Variants in MAMLD1 observed in about 807,000 individuals in gnomAD.
The protein encoded by MAMLD1 is mastermind-like domain-containing protein 1.
In MAMLD1, 14 loss-of-function variants were observed where a neutral mutation model predicts 45.0. The observed-to-expected ratio is 0.31, with a 90% CI of 0.21 to 0.49. The LOEUF (loss-of-function observed/expected upper bound fraction) is 0.49. Ranked by LOEUF, MAMLD1 falls within the 20% of genes least tolerant of loss-of-function variation. The probability of loss-of-function intolerance (pLI) is 0.99; values close to 1 mark genes in which losing one functional copy is unlikely to be tolerated. For missense variants in MAMLD1, 543 were observed against 603.6 expected (o/e 0.90, Z 1.05); for synonymous variants, 254 against 247.8 (o/e 1.02, Z -0.24).
At chrX:150,368,149 T>G (rs2031657110) in intron 1 of MAMLD1, among the ~76,000 whole-genome samples, 1 of 112,119 alleles carries the variant, frequency 8.9e-6, no homozygotes, top group Non-Finnish European at 1.9e-5. Flanking sequence ...TCTTCCACAA[T>G]GGTTGAACTA....
In MAMLD1 at chrX:150,371,632, T is replaced by C. The variant is rs191500048; in HGVS notation, c.-64+8102T>C. ...AACACATTGAGGAATTCCAAGTTCTTGGTCCAATTGTCCCAGCTCCACCCT... is the reference window on the plus strand; with the variant it reads ...AACACATTGAGGAATTCCAAGTTCTCGGTCCAATTGTCCCAGCTCCACCCT... On this transcript the variant is annotated intron_variant, in intron 1 of 7. Transcript: ENST00000370401. Among the ~76,000 whole-genome samples, 271 of 112,131 alleles carry C rather than the reference T, an allele frequency of 2.4e-3. 2 individuals carry two copies. Among genetic ancestry groups the C allele is most frequent in the African/African-American group, 8.4e-3 (260 of 30,826 alleles).
chrX:150,473,107 C>A (rs914366195), intron 4 of MAMLD1, among the ~76,000 whole-genome samples: 3 of 112,641 alleles, frequency 2.7e-5, no homozygotes, highest in African/African-American at 6.5e-5. Flanking sequence ...TCAGGCCCTG[C>A]CTTGCACTTT....
intron 1 of MAMLD1, among the ~76,000 whole-genome samples, chrX:150,369,587 A>T (rs1481183276): frequency 1.8e-5 from 2 of 112,176 alleles, no homozygotes; most frequent in African/African-American, 6.5e-5. Context: ...AATCAACCCA[A>T]AGTTTCTCTT....
At position 150,400,034 on chromosome X, in the gene MAMLD1, C is replaced by T. The variant is rs143981690; in HGVS notation, c.-64+36504C>T. The stretch of plus-strand genomic sequence containing the variant: ...CGCTCATTAGAATAAAAAGTTGTCA[C>T]ATGCTGTTGTCAGAGAAACAAGACG... On this transcript the variant is annotated intron_variant, in intron 1 of 7. Transcript: ENST00000370401. Among the ~76,000 whole-genome samples, 563 of 111,720 alleles carry T rather than the reference C, an allele frequency of 5.0e-3. 2 individuals are homozygous for T. The highest frequency in any genetic ancestry group is 0.018 in the African/African-American group (544 of 30,749).
intron 6 of MAMLD1, chrX:150,504,808 C>T (rs941398936): frequency 3.3e-5 from 25 of 752,221 alleles, no homozygotes; most frequent in African/African-American, 4.6e-5. Context: ...CTCTAAGAAC[C>T]TTGGAAATTG....
At chrX:150,473,612 C>T (rs782182047) in intron 4 of MAMLD1, 68 bp from the exon 5 acceptor site, 20 of 1,125,994 alleles carry the variant, frequency 1.8e-5, no homozygotes, top group East Asian at 6.0e-5. Context: ...ACATAGGACA[C>T]GGCAGGCCAC....
chrX:150,472,021 C>T (rs1557406596), intron 4 of MAMLD1, among the ~76,000 whole-genome samples: 1 of 112,096 alleles, frequency 8.9e-6, no homozygotes, highest in African/African-American at 3.2e-5. Context: ...AAGGTAGTCA[C>T]TCTCATCATC....
At chrX:150,400,344 AAGG>A (rs1557402382) in intron 1 of MAMLD1, among the ~76,000 whole-genome samples, 35 of 112,415 alleles carry the variant, frequency 3.1e-4, no homozygotes, top group Non-Finnish European at 5.6e-5. Context: ...ATTGTGGTTT[AAGG>A]AGATTTTGGG....
At chrX:150,366,354 A>G (rs1474121391) in intron 1 of MAMLD1, among the ~76,000 whole-genome samples, 3 of 112,085 alleles carry the variant, frequency 2.7e-5, no homozygotes, top group Non-Finnish European at 5.6e-5. Flanking sequence ...GCATACACAC[A>G]TCCCAAATGC....
intron 2 of MAMLD1, among the ~76,000 whole-genome samples, chrX:150,453,424 A>T (rs1347260293): frequency 9.0e-6 from 1 of 111,679 alleles, no homozygotes; most frequent in Non-Finnish European, 1.9e-5. Flanking sequence ...TACCCTAACA[A>T]ATGGTACCCA....
chrX:150,478,409 C>T (rs1246014143), intron 5 of MAMLD1, among the ~76,000 whole-genome samples: 1 of 112,256 alleles, frequency 8.9e-6, no homozygotes, highest in Non-Finnish European at 1.9e-5. Flanking sequence ...CAAGGAAGGG[C>T]CTGTCACCTT....
intron 1 of MAMLD1, among the ~76,000 whole-genome samples, chrX:150,410,071 A>T (rs2034089114): frequency 9.0e-6 from 1 of 111,485 alleles, no homozygotes; most frequent in African/African-American, 3.3e-5. Flanking sequence ...CCCTGATAGG[A>T]AAGGAACTCC....
intron 5 of MAMLD1, among the ~76,000 whole-genome samples, chrX:150,502,413 C>T (rs2037584989): frequency 8.9e-6 from 1 of 112,480 alleles, no homozygotes; most frequent in Admixed American, 9.4e-5. Context: ...GTCCTTTGGA[C>T]ACCACTGTTG....
At chrX:150,445,922 T>C (rs186883966) in intron 2 of MAMLD1, among the ~76,000 whole-genome samples, 1 of 111,672 alleles carries the variant, frequency 9.0e-6, no homozygotes, top group Non-Finnish European at 1.9e-5. Flanking sequence ...AGTTTACTTT[T>C]TCTCTTAATA....
intron 3 of MAMLD1, among the ~76,000 whole-genome samples, chrX:150,466,855 C>A (rs1238618852): frequency 1.8e-5 from 2 of 111,805 alleles, no homozygotes; most frequent in African/African-American, 6.5e-5. Context: ...GCACCTTACT[C>A]CCAGCAGGTT....
In MAMLD1 at chrX:150,470,672, G is replaced by A; in HGVS notation, c.1099G>A (p.Val367Met). Reference sequence around the variant, plus strand: ...CCCATTCAGCCCCCAGAGCCTCATGGTGTCCTGCATGTCGTCCAATACCTT... The same window carrying A: ...CCCATTCAGCCCCCAGAGCCTCATGATGTCCTGCATGTCGTCCAATACCTT... ...PPPFSPQSLMVSCMSSNTLSG... is the reference protein window; with the variant it reads ...PPPFSPQSLMMSCMSSNTLSG... Residue 367 changes from valine (V) to methionine (M), a missense_variant, in exon 4 of 8, where the codon GTG (valine) becomes ATG (methionine). Physicochemically the swap from Val to Met is conservative, Grantham distance 21 (BLOSUM62 1). Transcript: ENST00000370401. 1 of 1,211,753 alleles carries A rather than the reference G, an allele frequency of 8.3e-7. No homozygotes were observed. The highest frequency in any genetic ancestry group is 1.1e-6 in the Non-Finnish European group (1 of 895,513).
chrX:150,413,942 A>C (rs1425250336), intron 1 of MAMLD1, among the ~76,000 whole-genome samples: 2 of 99,250 alleles, frequency 2.0e-5, no homozygotes, highest in Non-Finnish European at 4.0e-5. Context: ...ACGACATGCT[A>C]GGGTGCTGAG....
At chrX:150,403,960 G>GAAAGAAAGAAAGAAAGAA (rs2033910369) in intron 1 of MAMLD1, among the ~76,000 whole-genome samples, 22 of 81,019 alleles carry the variant, frequency 2.7e-4, no homozygotes, top group Non-Finnish European at 3.8e-4. Context: ...AAGAAAGAAA[G>GAAAGAAAGAAAGAAAGAA]AAAGAAAGAA....
chrX:150,406,992 A>G (rs2034014599), intron 1 of MAMLD1, among the ~76,000 whole-genome samples: 1 of 110,968 alleles, frequency 9.0e-6, no homozygotes, highest in Non-Finnish European at 1.9e-5. Flanking sequence ...GAACTCAAAC[A>G]TAAAGCTCTC....
Sources: allele counts gnomAD v4.1 joint callset (sites outside exome capture counted in the v4.1 genomes callset), GRCh38; gene constraint gnomAD v4.1.1; transcripts MANE v1.5; gene names NCBI Gene and HGNC (gene_info 2026-07-23, HGNC 2026-07-21).